Variants in ATP7B observed in about 807,000 individuals in gnomAD.
ATP7B encodes ATPase copper transporting beta.
ATP7B carries 113 observed loss-of-function variants against 118.9 expected under a neutral mutation model. That is an observed-to-expected ratio of 0.95 (90% CI 0.82 to 1.11). ATP7B has a LOEUF of 1.11. Ranked by LOEUF, ATP7B falls within the 50% of genes most tolerant of loss-of-function variation. The pLI, the probability that ATP7B is intolerant of heterozygous loss-of-function variation, is 0.00. For synonymous variants in ATP7B, 777 were observed against 727.4 expected (o/e 1.07, Z -1.10); for missense variants, 1,867 against 1,871.4 (o/e 1.00, Z 0.04).
intron 4 of ATP7B, among the ~76,000 whole-genome samples, chr13:51,965,611 T>C (rs926801912): frequency 4.6e-5 from 7 of 151,910 alleles, no homozygotes; most frequent in Admixed American, 6.6e-5. Context: ...TATTGACAAG[T>C]GAAGGGAAGG....
chr13:51,964,108 A>AAC (rs17334263), intron 5 of ATP7B, among the ~76,000 whole-genome samples: 12,296 of 145,688 alleles, frequency 0.084, 651 homozygotes, highest in African/African-American at 0.16. Context: ...TCTCTCTTTA[A>AAC]ACACACACAC....
Position 51,946,419 on chromosome 13 carries a change from G to A in ATP7B, c.2925C>T (p.Ser975=), listed in dbSNP as rs2139060122. The stretch of plus-strand genomic sequence containing the variant: ...GGCAGGCAATGCACAGCACCGTGAT[G>A]GACGTCTGGAAAGCAAACCGGATGA... ...EVIIRFAFQT[S]ITVLCIACPC... Residue 975 remains serine (S), a synonymous_variant, in exon 13 of 21, where the codon TCC becomes TCT. Transcript: ENST00000242839. 3 of 1,614,180 alleles carry A rather than the reference G, an allele frequency of 1.9e-6. No individual in the cohort carries two copies. The highest frequency in any genetic ancestry group is 1.7e-6 in the Non-Finnish European group (2 of 1,180,036).
chr13:51,967,129 A>G, intron 4 of ATP7B: 4 of 1,591,292 alleles, frequency 2.5e-6, no homozygotes. Context: ...CTGTACTCGG[A>G]TCTATGAAAA....
intron 1 of ATP7B, among the ~76,000 whole-genome samples, chr13:51,994,321 C>T (rs1160276953): frequency 6.6e-6 from 1 of 152,060 alleles, no homozygotes; most frequent in Non-Finnish European, 1.5e-5. Context: ...TTGTATCTAT[C>T]ACCTCACTTC....
At position 51,998,540 on chromosome 13, in the gene ATP7B, G is replaced by T. The variant is rs139704046; in HGVS notation, c.51+12747C>A. Among the ~76,000 whole-genome samples the T allele has an allele frequency of 5.7e-3, 865 of 152,122 alleles. 5 individuals carry two copies. Among genetic ancestry groups the T allele is most frequent in the African/African-American group, 0.02 (836 of 41,470 alleles). ...TTTTGTCCCCCTTACCACAACACAA[G>T]GGCAAACTCTATCAGTCCCTCACAT... On this transcript the variant is annotated intron_variant, in intron 1 of 20. Coordinates refer to ENST00000242839, the MANE Select transcript of ATP7B (RefSeq NM_000053.4).
chr13:51,938,684 G>A (rs1336970513), intron 17 of ATP7B, among the ~76,000 whole-genome samples: 1 of 152,182 alleles, frequency 6.6e-6, no homozygotes, highest in Non-Finnish European at 1.5e-5. Context: ...ACTTATCTGA[G>A]CACCCCAGTG....
intron 4 of ATP7B, among the ~76,000 whole-genome samples, chr13:51,966,271 G>A (rs1283879471): frequency 6.6e-6 from 1 of 152,176 alleles, no homozygotes; most frequent in Admixed American, 6.5e-5. Flanking sequence ...CCAAAGTCGC[G>A]CAACTAGTGA....
rs1957668488 is a variant in ATP7B at position 51,946,472 on chromosome 13, TG to T, written c.2871del (p.Asn958ThrfsTer9). On this transcript the variant is annotated frameshift_variant, in exon 13 of 21. Transcript: ENST00000242839. LOFTEE classifies it high-confidence loss of function. Reference sequence around the variant, plus strand: ...ACCTCTGTCTGGGAGATGTGCTTGTTGGGGTTCTGAAAACAGGACAGAGTCA... The same window carrying T: ...ACCTCTGTCTGGGAGATGTGCTTGTTGGGTTCTGAAAACAGGACAGAGTCA... ...FGVVQRYFPN[P>X]NKHISQTEVI... The T allele has an allele frequency of 4.3e-6, 7 of 1,614,066 alleles. No individual in the cohort carries two copies. The East Asian group carries it at 1.6e-4, about 36-fold the overall frequency.
chr13:51,969,886 A>G (rs1431312228), intron 3 of ATP7B, among the ~76,000 whole-genome samples: 2 of 152,228 alleles, frequency 1.3e-5, no homozygotes, highest in Non-Finnish European at 2.9e-5. Context: ...TTCAAGTAAA[A>G]AGACACATCA....
At chr13:51,965,164 C>T in intron 4 of ATP7B, 131 bp from the exon 5 acceptor site, 1 of 1,120,630 alleles carries the variant, frequency 8.9e-7, no homozygotes, top group South Asian at 1.3e-5. Context: ...AGACCCTGGA[C>T]TCCACCTCCA....
intron 7 of ATP7B, chr13:51,959,193 T>C (rs1225665196): frequency 6.4e-6 from 1 of 155,598 alleles, no homozygotes; most frequent in Non-Finnish European, 1.4e-5. Context: ...GAATTGTTAA[T>C]AATAAGTGTA....
At chr13:51,955,038 A>C (rs543395562) in intron 9 of ATP7B, among the ~76,000 whole-genome samples, 1 of 152,334 alleles carries the variant, frequency 6.6e-6, no homozygotes, top group African/African-American at 2.4e-5. Context: ...TCGCACCTAG[A>C]AACGCTGCCA....
intron 5 of ATP7B, among the ~76,000 whole-genome samples, chr13:51,964,601 T>C (rs551637863): frequency 2.6e-5 from 4 of 152,326 alleles, no homozygotes; most frequent in Non-Finnish European, 4.4e-5. Context: ...CTTGACAATA[T>C]TGATGTTTCT....
rs1309617322 is a variant in ATP7B, at chr13:52,007,995, C to T, written c.51+3292G>A. ...TTCACTAACAGGAAGCTCTCCAAAA[C>T]CCATCATTTAGGGTTTTTAAGAAAG... On this transcript the variant is annotated intron_variant, in intron 1 of 20. Coordinates refer to ENST00000242839, the MANE Select transcript of ATP7B (RefSeq NM_000053.4). 2.0e-5 allele frequency among the ~76,000 whole-genome samples: 3 copies of T among 152,008 alleles called. No homozygotes were observed. The East Asian group carries it at 5.8e-4, about 29-fold the overall frequency.
intron 1 of ATP7B, among the ~76,000 whole-genome samples, chr13:51,985,246 A>T (rs1952600336): frequency 6.6e-6 from 1 of 152,196 alleles, no homozygotes; most frequent in East Asian, 1.9e-4. Flanking sequence ...ATGGAAAGCA[A>T]AAAAAAGTCG....
rs1593630365 is a variant in ATP7B, at chr13:51,933,233, G to A, written c.*1523C>T. 1 of 152,184 alleles carries A rather than the reference G, an allele frequency of 6.6e-6. No homozygotes were observed. The highest frequency in any genetic ancestry group is 2.4e-5 in the African/African-American group (1 of 41,444). 9.4% of individuals were successfully genotyped at this position (152,184 alleles called of 1,614,324 possible). ...AAGGTAGAAGGACAATAAGAGTGAA[G>A]CCTTCACAGCTGACAGACACTGCTT... On this transcript the variant is annotated 3_prime_UTR_variant, in exon 21 of 21. Coordinates refer to ENST00000242839, the MANE Select transcript of ATP7B (RefSeq NM_000053.4).
rs867842466 is a variant in ATP7B, at chr13:51,937,154, A to C, written c.4021+122T>G. The stretch of plus-strand genomic sequence containing the variant: ...CAGGGGACATGAAAAAAAAAAAAAA[A>C]CAGCCTTTCTAAAACGCCTCTAGCC... On this transcript the variant is annotated intron_variant, in intron 19 of 20. Transcript: ENST00000242839. 436 of 836,144 alleles carry C rather than the reference A, an allele frequency of 5.2e-4. 2 individuals carry two copies. In the African/African-American group the frequency reaches 6.1e-3, roughly 12 times the overall value. The allele number at this position is 836,144 out of a possible 1,614,324, so 51.8% of individuals were successfully genotyped here.
rs184388696 is a variant in ATP7B at position 51,941,080 on chromosome 13, C to A, written c.3556+1G>T. ...GGAAGGAAGGCAGAAGCAGAAGATA[C>A]CGTCAATAGCCACCAGGATGGCTGT... On this transcript the variant is annotated splice_donor_variant, in intron 16 of 20. Transcript: ENST00000242839. LOFTEE classifies it high-confidence loss of function. 1 of 1,614,170 alleles carries A rather than the reference C, an allele frequency of 6.2e-7. No individual in the cohort carries two copies. The highest frequency in any genetic ancestry group is 8.5e-7 in the Non-Finnish European group (1 of 1,180,042).
chr13:51,957,259 T>A (rs1002689043), intron 9 of ATP7B, among the ~76,000 whole-genome samples: 1 of 152,194 alleles, frequency 6.6e-6, no homozygotes, highest in African/African-American at 2.4e-5. Flanking sequence ...AACACTGGCC[T>A]TCCTCTTCTT....
Sources: allele counts gnomAD v4.1 joint callset (sites outside exome capture counted in the v4.1 genomes callset), GRCh38; gene constraint gnomAD v4.1.1; transcripts MANE v1.5; gene names NCBI Gene and HGNC (gene_info 2026-07-23, HGNC 2026-07-21).